TXK: variants seen among roughly 807,000 people sequenced by gnomAD.
TXK encodes the protein TXK tyrosine kinase.
In TXK, 60 loss-of-function variants were observed where a neutral mutation model predicts 81.0. The observed-to-expected ratio is 0.74, with a 90% CI of 0.60 to 0.92. TXK has a LOEUF of 0.92. TXK is among the 40% of genes least tolerant of loss of function. The pLI is 0.00. For missense variants in TXK, 581 were observed against 638.3 expected (o/e 0.91, Z 0.97); for synonymous variants, 203 against 210.7 (o/e 0.96, Z 0.32).
chr4:48,096,840 C>G (rs1718000909), intron 6 of TXK, among the ~76,000 whole-genome samples: 2 of 152,162 alleles, frequency 1.3e-5, no homozygotes, highest in Admixed American at 1.3e-4. Context: ...TTTAAATTCT[C>G]TTTCATATAG....
At chr4:48,089,855 C>T (rs762783746) in intron 8 of TXK, 31 bp from the exon 9 acceptor site, 12 of 1,491,624 alleles carry the variant, frequency 8.0e-6, no homozygotes, top group African/African-American at 4.1e-5. Flanking sequence ...ATATTTCAAG[C>T]CTAGTTGCTA....
Position 48,104,601 on chromosome 4 carries a change from G to T in TXK, c.501+300C>A, listed in dbSNP as rs747518319. ...TATATATTATATATATATATAGAGA[G>T]AGAGAGAGAGAGAGAGTCCATTGGC... On this transcript the variant is annotated intron_variant, in intron 6 of 14. Coordinates refer to ENST00000264316, the MANE Select transcript of TXK (RefSeq NM_003328.3). Among the ~76,000 whole-genome samples the T allele has an allele frequency of 5.8e-5, 4 of 69,000 alleles. 1 individual carries two copies. Among genetic ancestry groups the T allele is most frequent in the African/African-American group, 1.5e-4 (3 of 20,336 alleles). The allele number at this position is 69,000 out of a possible 152,430, so 45.3% of individuals were successfully genotyped here.
chr4:48,127,606 G>A (rs181688371), intron 1 of TXK, among the ~76,000 whole-genome samples: 25 of 152,290 alleles, frequency 1.6e-4, no homozygotes, highest in Non-Finnish European at 2.6e-4. Flanking sequence ...GAATATATTC[G>A]GGCTTGAAGA....
intron 6 of TXK, among the ~76,000 whole-genome samples, chr4:48,099,657 C>G (rs1718112319): frequency 1.3e-5 from 2 of 152,156 alleles, no homozygotes; most frequent in South Asian, 4.1e-4. Context: ...GCTAGCCACA[C>G]TAGAGACAGC....
At chr4:48,132,298 G>A (rs1719265160) in intron 1 of TXK, among the ~76,000 whole-genome samples, 1 of 152,094 alleles carries the variant, frequency 6.6e-6, no homozygotes, top group Admixed American at 6.5e-5. Context: ...TGCAAAATAA[G>A]GCCCTCTGAG....
At chr4:48,126,836 TCAGTCAGCAGG>T (rs1240798420) in intron 1 of TXK, among the ~76,000 whole-genome samples, 8 of 152,174 alleles carry the variant, frequency 5.3e-5, no homozygotes, top group Admixed American at 3.9e-4. Context: ...ATTGCTGTTA[TCAGTCAGCAGG>T]CAGGAGTATC....
chr4:48,114,539 CA>C, intron 1 of TXK, 137 bp from the exon 2 acceptor site: 2 of 848,030 alleles, frequency 2.4e-6, no homozygotes, highest in Non-Finnish European at 3.8e-6. Flanking sequence ...TAGTGGAAGA[CA>C]AATAACTGTC....
chr4:48,113,831 G>A (rs1219739813), intron 2 of TXK, among the ~76,000 whole-genome samples: 3 of 151,954 alleles, frequency 2.0e-5, no homozygotes, highest in Non-Finnish European at 4.4e-5. Context: ...AAAAAAGTAG[G>A]TGGTTTTGAG....
At chr4:48,108,748 C>T (rs1450913633) in intron 5 of TXK, among the ~76,000 whole-genome samples, 2 of 151,956 alleles carry the variant, frequency 1.3e-5, no homozygotes. Flanking sequence ...AATCAAGGCC[C>T]AAGGAAATGA....
intron 6 of TXK, among the ~76,000 whole-genome samples, chr4:48,096,749 G>A (rs995832942): frequency 1.3e-5 from 2 of 151,984 alleles, no homozygotes; most frequent in Non-Finnish European, 2.9e-5. Flanking sequence ...TGCTGGTCTC[G>A]AAATCCTGAC....
chr4:48,072,331 C>A (rs148189287), intron 13 of TXK, among the ~76,000 whole-genome samples: 1 of 152,174 alleles, frequency 6.6e-6, no homozygotes, highest in Non-Finnish European at 1.5e-5. Context: ...GCAGCAGTCA[C>A]GTTCCTGCAT....
intron 6 of TXK, among the ~76,000 whole-genome samples, chr4:48,099,539 C>G (rs544397980): frequency 6.6e-6 from 1 of 151,904 alleles, no homozygotes; most frequent in Non-Finnish European, 1.5e-5. Context: ...ATGCAACCAA[C>G]CAACAGGAAG....
intron 13 of TXK, among the ~76,000 whole-genome samples, chr4:48,072,552 T>C (rs894131225): frequency 6.6e-5 from 10 of 152,270 alleles, no homozygotes; most frequent in East Asian, 1.9e-4. Flanking sequence ...GATTGATTAG[T>C]GAAACTCCTG....
chr4:48,122,708 T>G (rs971561437), intron 1 of TXK, among the ~76,000 whole-genome samples: 2 of 152,218 alleles, frequency 1.3e-5, no homozygotes, highest in East Asian at 3.8e-4. Context: ...GTTCAGTGAA[T>G]GAATGAATGA....
intron 1 of TXK, among the ~76,000 whole-genome samples, chr4:48,118,185 T>C (rs115457898): frequency 6.6e-6 from 1 of 152,340 alleles, no homozygotes; most frequent in Non-Finnish European, 1.5e-5. Flanking sequence ...ATGTGTTTCC[T>C]GAAGTTCTGG....
chr4:48,093,206 A>G (rs1356968484), intron 8 of TXK, among the ~76,000 whole-genome samples: 2 of 152,226 alleles, frequency 1.3e-5, no homozygotes, highest in African/African-American at 4.8e-5. Context: ...GATGCATCCC[A>G]CAAGTGGATA....
At chr4:48,085,275 T>C (rs1717476296) in intron 10 of TXK, among the ~76,000 whole-genome samples, 1 of 152,102 alleles carries the variant, frequency 6.6e-6, no homozygotes, top group African/African-American at 2.4e-5. Context: ...GACCCTTATG[T>C]CCTCTGAAAG....
At chr4:48,081,168 G>A (rs1717285872) in intron 10 of TXK, among the ~76,000 whole-genome samples, 1 of 152,006 alleles carries the variant, frequency 6.6e-6, no homozygotes, top group Non-Finnish European at 1.5e-5. Context: ...TTTCAGTTAA[G>A]AGATGCAGTT....
At chr4:48,092,097 G>A (rs949962115) in intron 8 of TXK, among the ~76,000 whole-genome samples, 5 of 152,176 alleles carry the variant, frequency 3.3e-5, no homozygotes, top group African/African-American at 1.2e-4. Flanking sequence ...CTGAGAGAGA[G>A]AAAAGAAAGA....
Sources: gnomAD v4.1 joint callset for allele counts (sites outside exome capture counted in the v4.1 genomes callset) on GRCh38, gnomAD v4.1.1 for gene constraint, MANE v1.5 for transcripts, NCBI Gene and HGNC (gene_info 2026-07-23, HGNC 2026-07-21) for gene names.